Variants in KCNK12 observed in about 807,000 individuals in gnomAD.
The protein encoded by KCNK12 is potassium two pore domain channel subfamily K member 12.
KCNK12 carries 6 observed loss-of-function variants against 25.3 expected under a neutral mutation model. That is an observed-to-expected ratio of 0.24 (90% CI 0.13 to 0.47). The LOEUF (loss-of-function observed/expected upper bound fraction) is 0.47, where lower values mean the gene tolerates loss of function less well. Ranked by LOEUF, KCNK12 falls within the 20% of genes least tolerant of loss-of-function variation. The probability of loss-of-function intolerance (pLI) is 0.99; values close to 1 mark genes in which losing one functional copy is unlikely to be tolerated. For synonymous variants in KCNK12, 331 were observed against 311.1 expected, an observed-to-expected ratio of 1.06 and a Z score of -0.67; for missense variants, 444 against 661.7, an observed-to-expected ratio of 0.67 and a Z score of 3.61.
At position 47,570,659 on chromosome 2, in the gene KCNK12, G is replaced by T; in HGVS notation, c.-328C>A. The T allele has an allele frequency of 5.9e-6, 1 of 170,332 alleles. No homozygotes were observed. Among genetic ancestry groups the T allele is most frequent in the East Asian group, 1.6e-4 (1 of 6,152 alleles). The allele number at this position is 170,332 out of a possible 1,614,324, so 10.6% of individuals were successfully genotyped here. A position where few individuals can be genotyped will look rare whatever the true frequency, so the allele number is the denominator to read the frequency against. ...CGCGGGGCTCCGCAGCTAGGCCCCT[G>T]CCGCCCGGTGGCCGGCGTCCGCGGG... On this transcript the variant is annotated 5_prime_UTR_variant, in exon 1 of 2. Coordinates refer to ENST00000327876, the MANE Select transcript of KCNK12 (RefSeq NM_022055.2).
rs770550091 is a variant in KCNK12 at position 47,521,210 on chromosome 2, G to C, written c.990C>G (p.Ala330=). The change falls in exon 2 of 2, where the codon GCC becomes GCG. Residue 330 remains alanine, a synonymous_variant. Coordinates refer to ENST00000327876, the MANE Select transcript of KCNK12 (RefSeq NM_022055.2). ...AGCCTGGGGTGATGGCATTGCGCCGGGCCAGGGGCGCGCCAGGAGCCGGGC... is the reference window on the plus strand; with the variant it reads ...AGCCTGGGGTGATGGCATTGCGCCGCGCCAGGGGCGCGCCAGGAGCCGGGC... ...RCCPAPGAPL[A]RRNAITPGSR... The C allele has an allele frequency of 7.7e-6, 12 of 1,562,870 alleles. No homozygotes were observed. Among genetic ancestry groups the C allele is most frequent in the Admixed American group, 1.9e-5 (1 of 53,048 alleles).
At chr2:47,552,023 G>A (rs910301855) in intron 1 of KCNK12, among the ~76,000 whole-genome samples, 1 of 152,262 alleles carries the variant, frequency 6.6e-6, no homozygotes, top group Middle Eastern at 3.4e-3. Context: ...GTGGGGAGGT[G>A]GGGGGAAGGT....
intron 1 of KCNK12, among the ~76,000 whole-genome samples, chr2:47,558,662 G>A (rs963208218): frequency 6.6e-6 from 1 of 152,214 alleles, no homozygotes; most frequent in Non-Finnish European, 1.5e-5. Flanking sequence ...TTGGCAGCAG[G>A]GAAGAGGATC....
At chr2:47,549,710 C>T (rs566299107) in intron 1 of KCNK12, among the ~76,000 whole-genome samples, 103 of 152,170 alleles carry the variant, frequency 6.8e-4, no homozygotes, top group African/African-American at 2.4e-3. Flanking sequence ...CCAAGATGGG[C>T]GGATCACGAG....
chr2:47,570,514 C>T lies in KCNK12; in HGVS notation c.-183G>A. Reference sequence around the variant, plus strand: ...CCGGACAGAGGGGCGCCTCCGCCTCCTCCCCGGCGCTCAGGCCACACGCGA... The same window carrying T: ...CCGGACAGAGGGGCGCCTCCGCCTCTTCCCCGGCGCTCAGGCCACACGCGA... On this transcript the variant is annotated 5_prime_UTR_variant, in exon 1 of 2. Coordinates refer to ENST00000327876, the MANE Select transcript of KCNK12 (RefSeq NM_022055.2). The T allele has an allele frequency of 5.7e-6, 3 of 523,450 alleles. No homozygotes were observed. Among genetic ancestry groups the T allele is most frequent in the Non-Finnish European group, 8.4e-6 (3 of 358,582 alleles). The allele number at this position is 523,450 out of a possible 1,614,324, so 32.4% of individuals were successfully genotyped here.
At position 47,562,580 on chromosome 2, in the gene KCNK12, C is replaced by G. The variant is rs753377555; in HGVS notation, c.391+7361G>C. ...GCCACTTGGAGAGGGGACCTAGAGT[C>G]CCCTGGTAGGTGGCTAGGGAATGGC... On this transcript the variant is annotated intron_variant, in intron 1 of 1. Transcript: ENST00000327876. This position sits in a 1 kb window ranked among gnomAD's most constrained non-coding sequence, Gnocchi z 4.8. 1 of 233,964 alleles carries G rather than the reference C, an allele frequency of 4.3e-6. No individual in the cohort carries two copies. Among genetic ancestry groups the G allele is most frequent in the East Asian group, 6.0e-5 (1 of 16,564 alleles). The allele number at this position is 233,964 out of a possible 1,614,324, so 14.5% of individuals were successfully genotyped here.
intron 1 of KCNK12, among the ~76,000 whole-genome samples, chr2:47,561,038 C>T (rs17036673): frequency 0.15 from 22,159 of 152,174 alleles, 1,712 homozygotes; most frequent in South Asian, 0.19. Context: ...CTTCCTTCAG[C>T]GACCTTCACC....
rs144602616 is a variant in KCNK12, at chr2:47,562,981, G to C, written c.391+6960C>G. On this transcript the variant is annotated intron_variant, in intron 1 of 1. Coordinates refer to ENST00000327876, the MANE Select transcript of KCNK12 (RefSeq NM_022055.2). The surrounding 1 kb of genome is among the most constrained non-coding windows in gnomAD (Gnocchi z 4.8). The stretch of plus-strand genomic sequence containing the variant: ...GGAACTGGACGGAAAAAATGGAAGG[G>C]CCAGAAAACTTGGGGAGGACTCCAG... 223 of 233,496 alleles carry C rather than the reference G, an allele frequency of 9.6e-4. 1 individual carries two copies. Among genetic ancestry groups the C allele is most frequent in the African/African-American group, 4.7e-3 (213 of 45,436 alleles). The allele number at this position is 233,496 out of a possible 1,614,324, so 14.5% of individuals were successfully genotyped here. A position where few individuals can be genotyped will look rare whatever the true frequency, so the allele number is the denominator to read the frequency against.
chr2:47,536,298 C>T (rs906920393), intron 1 of KCNK12, among the ~76,000 whole-genome samples: 5 of 152,206 alleles, frequency 3.3e-5, no homozygotes, highest in Admixed American at 3.3e-4. Context: ...CTTGTGACAG[C>T]CCCTGTCCTG....
Position 47,538,599 on chromosome 2 carries a change from C to T in KCNK12, c.392-16791G>A, listed in dbSNP as rs1669127940. Among the ~76,000 whole-genome samples the T allele has an allele frequency of 6.6e-6, 1 of 151,980 alleles. No individual in the cohort carries two copies. The highest frequency in any genetic ancestry group is 6.6e-5 in the Admixed American group (1 of 15,248). Reference sequence around the variant, plus strand: ...CAGCCTGGCCAACATGGTGAAACCCCGTCTCTACTAAAAATACAAAAATTA... The same window carrying T: ...CAGCCTGGCCAACATGGTGAAACCCTGTCTCTACTAAAAATACAAAAATTA... On this transcript the variant is annotated intron_variant, in intron 1 of 1. Transcript: ENST00000327876. This position sits in a 1 kb window ranked among gnomAD's most constrained non-coding sequence, Gnocchi z 4.5.
At chr2:47,535,863 T>C (rs1334550364) in intron 1 of KCNK12, among the ~76,000 whole-genome samples, 2 of 152,192 alleles carry the variant, frequency 1.3e-5, no homozygotes, top group African/African-American at 4.8e-5. Context: ...CATGACTTTG[T>C]GTCAGACCCT....
chr2:47,544,135 C>G (rs1669260907), intron 1 of KCNK12, among the ~76,000 whole-genome samples: 1 of 152,192 alleles, frequency 6.6e-6, no homozygotes. Context: ...ACAAAGACAG[C>G]CTTCCACCCT....
At chr2:47,553,993 A>G (rs1669496307) in intron 1 of KCNK12, among the ~76,000 whole-genome samples, 1 of 152,244 alleles carries the variant, frequency 6.6e-6, no homozygotes, top group Non-Finnish European at 1.5e-5. Flanking sequence ...TAATAAAAAT[A>G]TAAGCCCACA....
rs1000479188 is a variant in KCNK12, at chr2:47,555,696, C to T, written c.391+14245G>A. Among the ~76,000 whole-genome samples the T allele has an allele frequency of 5.9e-5, 9 of 152,216 alleles. No homozygotes were observed. Among genetic ancestry groups the T allele is most frequent in the East Asian group, 3.9e-4 (2 of 5,184 alleles). On this transcript the variant is annotated intron_variant, in intron 1 of 1. Transcript: ENST00000327876. The surrounding 1 kb of genome is among the most constrained non-coding windows in gnomAD (Gnocchi z 4.5). ...TCTGTCTTTTAATTCAGGGCCCTAGCGGCTGAAAATAAGAAAATGTAGGGG... is the reference window on the plus strand; with the variant it reads ...TCTGTCTTTTAATTCAGGGCCCTAGTGGCTGAAAATAAGAAAATGTAGGGG...
chr2:47,534,333 C>T (rs142909201), intron 1 of KCNK12, among the ~76,000 whole-genome samples: 7 of 151,940 alleles, frequency 4.6e-5, no homozygotes, highest in African/African-American at 1.2e-4. Context: ...CTCCTGCCTC[C>T]GGGTAGCTCC....
chr2:47,533,659 C>G lies in KCNK12; in HGVS notation c.392-11851G>C, dbSNP rs534896985. On this transcript the variant is annotated intron_variant, in intron 1 of 1. Coordinates refer to ENST00000327876, the MANE Select transcript of KCNK12 (RefSeq NM_022055.2). The surrounding 1 kb of genome is among the most constrained non-coding windows in gnomAD (Gnocchi z 4.7). ...TGGCCCCTACGCTGGGTAGGAGGCC[C>G]GGCTAGAGGTTAGGCACCATCTTTT... 6.6e-6 allele frequency among the ~76,000 whole-genome samples: 1 copy of G among 152,188 alleles called. No homozygotes were observed. Among genetic ancestry groups the G allele is most frequent in the Admixed American group, 6.5e-5 (1 of 15,286 alleles).
rs1401174018 is a variant in KCNK12 at position 47,538,587 on chromosome 2, A to G, written c.392-16779T>C. On this transcript the variant is annotated intron_variant, in intron 1 of 1. Transcript: ENST00000327876. The surrounding 1 kb of genome is among the most constrained non-coding windows in gnomAD (Gnocchi z 4.5). ...GGAGTTTGAGACCAGCCTGGCCAAC[A>G]TGGTGAAACCCCGTCTCTACTAAAA... Among the ~76,000 whole-genome samples the G allele has an allele frequency of 3.3e-5, 5 of 152,190 alleles. No individual in the cohort carries two copies. Among genetic ancestry groups the G allele is most frequent in the Non-Finnish European group, 5.9e-5 (4 of 68,040 alleles).
rs1668879307 is a variant in KCNK12 at position 47,529,829 on chromosome 2, A to C, written c.392-8021T>G. ...AGGTAAAATACAGAACACCCAGTTA[A>C]ATATGACTTGGGTAAACAAGAAATC... On this transcript the variant is annotated intron_variant, in intron 1 of 1. Transcript: ENST00000327876. This position sits in a 1 kb window ranked among gnomAD's most constrained non-coding sequence, Gnocchi z 4.3. Among the ~76,000 whole-genome samples, 1 of 152,236 alleles carries C rather than the reference A, an allele frequency of 6.6e-6. No homozygotes were observed. The highest frequency in any genetic ancestry group is 6.5e-5 in the Admixed American group (1 of 15,290).
In KCNK12 at chr2:47,526,747, A is replaced by C. The variant is rs57916992; in HGVS notation, c.392-4939T>G. ...AACTCCGTCTCAAAAACAAACAAAA[A>C]CCCCAAAACACAAAAAGACATAAAA... On this transcript the variant is annotated intron_variant, in intron 1 of 1. Coordinates refer to ENST00000327876, the MANE Select transcript of KCNK12 (RefSeq NM_022055.2). 2.8e-3 allele frequency among the ~76,000 whole-genome samples: 432 copies of C among 152,084 alleles called. 3 individuals carry two copies. Among genetic ancestry groups the C allele is most frequent in the African/African-American group, 9.9e-3 (413 of 41,526 alleles).
Sources: gnomAD v4.1 joint callset for allele counts (sites outside exome capture counted in the v4.1 genomes callset) on GRCh38, gnomAD v4.1.1 for gene constraint, Gnocchi (gnomAD v3.1) non-coding constraint, MANE v1.5 for transcripts, NCBI Gene and HGNC (gene_info 2026-07-23, HGNC 2026-07-21) for gene names.